The following HIPK2 variants were observed in gnomAD, a reference collection of about 807,000 sequenced individuals.
HIPK2 encodes homeodomain interacting protein kinase 2.
A neutral mutation model predicts 113.7 loss-of-function variants in HIPK2; 27 were observed. The ratio of observed to expected loss-of-function variants is 0.24; its 90% CI spans 0.17 to 0.33. The LOEUF (loss-of-function observed/expected upper bound fraction) is 0.33. HIPK2 is among the 10% of genes least tolerant of loss of function. HIPK2 has a pLI of 1.00. For synonymous variants in HIPK2, 631 were observed against 642.2 expected (o/e 0.98, Z 0.26); for missense variants, 1,257 against 1,588.0 (o/e 0.79, Z 3.54).
At chr7:139,763,193 C>T (rs1417671241) in intron 1 of HIPK2, among the ~76,000 whole-genome samples, 4 of 152,182 alleles carry the variant, frequency 2.6e-5, no homozygotes, top group South Asian at 2.1e-4. Context: ...CGGGACTGTG[C>T]TGTGATCCAT....
At chr7:139,747,798 A>G (rs1242730132) in intron 1 of HIPK2, among the ~76,000 whole-genome samples, 8 of 152,226 alleles carry the variant, frequency 5.3e-5, no homozygotes, top group South Asian at 2.1e-4. Flanking sequence ...ATCTGGAGCC[A>G]TACTGACCAA....
Position 139,571,617 on chromosome 7 carries a change from A to G in HIPK2, c.*1310T>C, listed in dbSNP as rs993978384. The G allele has an allele frequency of 1.3e-5, 2 of 152,218 alleles. No individual in the cohort carries two copies. Among genetic ancestry groups the G allele is most frequent in the African/African-American group, 4.8e-5 (2 of 41,444 alleles). The allele number at this position is 152,218 out of a possible 1,614,324, so 9.4% of individuals were successfully genotyped here. The stretch of plus-strand genomic sequence containing the variant: ...CCCTGGCATCCTTCCGCTAGCAAAC[A>G]GCCCAGGAAAGACAACGGGCATTAA... On this transcript the variant is annotated 3_prime_UTR_variant, in exon 15 of 15. Transcript: ENST00000406875.
chr7:139,691,930 ATATACGTGG>A (rs936943564), intron 2 of HIPK2, among the ~76,000 whole-genome samples: 1 of 152,242 alleles, frequency 6.6e-6, no homozygotes, highest in African/African-American at 2.4e-5. Context: ...GGGAATAGAA[ATATACGTGG>A]TATACTTATT....
intron 1 of HIPK2, among the ~76,000 whole-genome samples, chr7:139,776,312 T>C (rs578009769): frequency 4.6e-4 from 70 of 152,322 alleles, no homozygotes; most frequent in African/African-American, 1.6e-3. Context: ...TTACAGTCTA[T>C]AGGTTATTTA....
rs563060010 is a variant in HIPK2, at chr7:139,627,335, TATGC to T, written c.1435-554_1435-551del. Reference sequence around the variant, plus strand: ...GTATGTATGTATGTATGTATGTATGTATGCATGTATTTAACCTTTAGAGGGAAGT... The same window carrying T: ...GTATGTATGTATGTATGTATGTATGTATGTATTTAACCTTTAGAGGGAAGT... On this transcript the variant is annotated intron_variant, in intron 5 of 14. Coordinates refer to ENST00000406875, the MANE Select transcript of HIPK2 (RefSeq NM_022740.5). Among the ~76,000 whole-genome samples the T allele has an allele frequency of 1.1e-3, 164 of 151,364 alleles. 1 individual carries two copies. The highest frequency in any genetic ancestry group is 3.4e-3 in the African/African-American group (137 of 40,752).
intron 2 of HIPK2, among the ~76,000 whole-genome samples, chr7:139,684,339 G>T (rs1585376487): frequency 6.6e-6 from 1 of 152,306 alleles, no homozygotes. Flanking sequence ...ACTTCTAAGT[G>T]TTCAAGCGAA....
chr7:139,768,512 G>A lies in HIPK2; in HGVS notation c.19+9093C>T, dbSNP rs112403409. On this transcript the variant is annotated intron_variant, in intron 1 of 14. Transcript: ENST00000406875. Reference sequence around the variant, plus strand: ...AGGTTCTGTGAAACTCATCATGATCGTACTGACTTCTCTCCTGTGATTTTT... The same window carrying A: ...AGGTTCTGTGAAACTCATCATGATCATACTGACTTCTCTCCTGTGATTTTT... Among the ~76,000 whole-genome samples, 319 of 152,160 alleles carry A rather than the reference G, an allele frequency of 2.1e-3. 2 individuals carry two copies. The highest frequency in any genetic ancestry group is 7.4e-3 in the African/African-American group (306 of 41,500).
chr7:139,600,689 A>C, intron 10 of HIPK2, 93 bp from the exon 11 acceptor site: 4 of 1,409,678 alleles, frequency 2.8e-6, no homozygotes, highest in Non-Finnish European at 3.9e-6. Context: ...TTAAACGCTG[A>C]CTGCAGTTGG....
chr7:139,711,327 C>T (rs1585407004), intron 2 of HIPK2, among the ~76,000 whole-genome samples: 1 of 152,008 alleles, frequency 6.6e-6, no homozygotes, highest in East Asian at 1.9e-4. Context: ...ACTCAGGAGG[C>T]TGAAGCAGAA....
chr7:139,671,039 G>A (rs547521048), intron 2 of HIPK2, among the ~76,000 whole-genome samples: 1 of 152,014 alleles, frequency 6.6e-6, no homozygotes, highest in Admixed American at 6.5e-5. Context: ...GGGATTACAG[G>A]TGTAAGCCAC....
chr7:139,734,657 G>T (rs1351628782), intron 1 of HIPK2, among the ~76,000 whole-genome samples: 1 of 152,190 alleles, frequency 6.6e-6, no homozygotes, highest in Non-Finnish European at 1.5e-5. Flanking sequence ...GCCTGGGAAG[G>T]CACATTCTGT....
chr7:139,614,547 G>C, intron 7 of HIPK2, 54 bp from the exon 8 acceptor site: 22 of 1,114,914 alleles, frequency 2.0e-5, no homozygotes, highest in Non-Finnish European at 2.5e-5. Flanking sequence ...AAATGAGGGA[G>C]GTGGCATGTT....
At chr7:139,707,613 C>G (rs998025753) in intron 2 of HIPK2, among the ~76,000 whole-genome samples, 1 of 152,204 alleles carries the variant, frequency 6.6e-6, no homozygotes, top group African/African-American at 2.4e-5. Flanking sequence ...GCTGTCTACT[C>G]GGGGACAGCC....
intron 1 of HIPK2, among the ~76,000 whole-genome samples, chr7:139,752,962 C>T (rs182502497): frequency 6.5e-4 from 99 of 152,280 alleles, no homozygotes; most frequent in African/African-American, 2.2e-3. Flanking sequence ...AAGTTTGTCC[C>T]CACCACTGGG....
intron 1 of HIPK2, among the ~76,000 whole-genome samples, chr7:139,748,228 C>A (rs984014954): frequency 3.7e-4 from 56 of 152,214 alleles, no homozygotes; most frequent in African/African-American, 1.2e-3. Context: ...CTTTTGGAAC[C>A]CTCAGCCCTA....
chr7:139,613,351 G>A lies in HIPK2; in HGVS notation c.1991-28C>T. 6.2e-7 allele frequency: 1 copy of A among 1,605,090 alleles called. No individual in the cohort carries two copies. Among genetic ancestry groups the A allele is most frequent in the East Asian group, 2.5e-5 (1 of 39,912 alleles). On this transcript the variant is annotated intron_variant, in intron 8 of 14. Transcript: ENST00000406875. This position sits in a 1 kb window ranked among gnomAD's most constrained non-coding sequence, Gnocchi z 4.2. ...GTTCCAGACAGTGTGAGGGAGAGAA[G>A]GGTTAGCTGAGACGCTGTGAACAGC...
chr7:139,612,610 G>A (rs1191366649), intron 9 of HIPK2, among the ~76,000 whole-genome samples: 7 of 152,212 alleles, frequency 4.6e-5, no homozygotes, highest in African/African-American at 7.2e-5. Context: ...GGGTTCGAGT[G>A]TCATTAAGGA....
At position 139,631,130 on chromosome 7, in the gene HIPK2, G is replaced by A. The variant is rs1356616727; in HGVS notation, c.1347+35C>T. Reference sequence around the variant, plus strand: ...TACGGCCCTCTTCCCTAAGCGCTGGGCCACTGTGAGGAGTGGAGGAGACGC... The same window carrying A: ...TACGGCCCTCTTCCCTAAGCGCTGGACCACTGTGAGGAGTGGAGGAGACGC... On this transcript the variant is annotated intron_variant, in intron 4 of 14. Coordinates refer to ENST00000406875, the MANE Select transcript of HIPK2 (RefSeq NM_022740.5). This position sits in a 1 kb window ranked among gnomAD's most constrained non-coding sequence, Gnocchi z 4.9. 1 of 1,587,748 alleles carries A rather than the reference G, an allele frequency of 6.3e-7. No homozygotes were observed. Among genetic ancestry groups the A allele is most frequent in the East Asian group, 2.3e-5 (1 of 43,762 alleles).
At chr7:139,733,422 T>C (rs540108442) in intron 1 of HIPK2, among the ~76,000 whole-genome samples, 32 of 152,320 alleles carry the variant, frequency 2.1e-4, no homozygotes, top group African/African-American at 7.7e-4. Flanking sequence ...AAAAGCACTA[T>C]CCTTGGTCAT....
Sources: allele counts gnomAD v4.1 joint callset (sites outside exome capture counted in the v4.1 genomes callset), GRCh38; gene constraint gnomAD v4.1.1; non-coding constraint Gnocchi (gnomAD v3.1); transcripts MANE v1.5; gene names NCBI Gene and HGNC (gene_info 2026-07-23, HGNC 2026-07-21).